The following IFT80 variants were observed in gnomAD, a reference collection of about 807,000 sequenced individuals.
IFT80 encodes the protein intraflagellar transport protein 80 homolog.
Under a neutral mutation model 107.9 loss-of-function variants are expected in IFT80, and 79 were observed. That is an observed-to-expected ratio of 0.73 (90% CI 0.61 to 0.88). The LOEUF is 0.88. Ranked by LOEUF, IFT80 falls within the 40% of genes least tolerant of loss-of-function variation. The pLI is 0.00. For missense variants in IFT80, 797 were observed against 914.2 expected (o/e 0.87, Z 1.65); for synonymous variants, 299 against 300.9 (o/e 0.99, Z 0.07).
intron 15 of IFT80, among the ~76,000 whole-genome samples, chr3:160,280,454 T>C (rs1197569514): frequency 6.6e-6 from 1 of 152,166 alleles, no homozygotes; most frequent in Non-Finnish European, 1.5e-5. Flanking sequence ...ATTATATTCA[T>C]ATAAGGGACA....
intron 18 of IFT80, among the ~76,000 whole-genome samples, chr3:160,273,626 A>G (rs1713998532): frequency 6.6e-6 from 1 of 152,204 alleles, no homozygotes. Flanking sequence ...TTATGAGGGA[A>G]TAAACATAAA....
intron 9 of IFT80, among the ~76,000 whole-genome samples, chr3:160,311,264 TAA>T (rs1717227469): frequency 6.6e-6 from 1 of 152,072 alleles, no homozygotes; most frequent in African/African-American, 2.4e-5. Flanking sequence ...AGTAAATAAA[TAA>T]TAAGAAGTTG....
At chr3:160,372,904 T>C (rs1276299070) in intron 5 of IFT80, among the ~76,000 whole-genome samples, 1 of 152,138 alleles carries the variant, frequency 6.6e-6, no homozygotes, top group East Asian at 1.9e-4. Context: ...GGGAGGGCAG[T>C]GAGAGGAAGA....
chr3:160,293,939 A>T (rs1715772225), intron 12 of IFT80, among the ~76,000 whole-genome samples: 1 of 152,170 alleles, frequency 6.6e-6, no homozygotes, highest in South Asian at 2.1e-4. Context: ...TGTTGAACAC[A>T]TTGATGTGCC....
At chr3:160,384,029 G>C in intron 2 of IFT80, 1 of 662,586 alleles carries the variant, frequency 1.5e-6, no homozygotes, top group African/African-American at 2.0e-5. Context: ...TGGATCACCT[G>C]AGGTCGAGAG....
intron 6 of IFT80, among the ~76,000 whole-genome samples, chr3:160,363,617 T>C (rs1254193312): frequency 6.6e-6 from 1 of 151,942 alleles, no homozygotes; most frequent in African/African-American, 2.4e-5. Flanking sequence ...CAAACTATAC[T>C]ACAAGGCTAC....
At chr3:160,305,677 TCAAATGAAA>T (rs1383391405) in intron 10 of IFT80, among the ~76,000 whole-genome samples, 2 of 152,108 alleles carry the variant, frequency 1.3e-5, no homozygotes, top group African/African-American at 4.8e-5. Flanking sequence ...ATCTGAAAAA[TCAAATGAAA>T]ATTTAATGTA....
At chr3:160,360,220 A>C (rs568177726) in intron 6 of IFT80, among the ~76,000 whole-genome samples, 13 of 152,242 alleles carry the variant, frequency 8.5e-5, no homozygotes, top group African/African-American at 2.9e-4. Context: ...CACAAGCTTC[A>C]GTAGCTGATT....
chr3:160,263,893 G>A (rs1038968812), intron 19 of IFT80, among the ~76,000 whole-genome samples: 1 of 151,996 alleles, frequency 6.6e-6, no homozygotes, highest in African/African-American at 2.4e-5. Flanking sequence ...GGATGGTCTC[G>A]ATCTCCTGAA....
chr3:160,372,969 G>T (rs1218796873), intron 5 of IFT80, among the ~76,000 whole-genome samples: 3 of 152,114 alleles, frequency 2.0e-5, no homozygotes, highest in Non-Finnish European at 4.4e-5. Context: ...AACTCAAAAT[G>T]AATCACAGAC....
chr3:160,398,113 T>C (rs1713984496), intron 1 of IFT80, among the ~76,000 whole-genome samples: 1 of 152,206 alleles, frequency 6.6e-6, no homozygotes, highest in Non-Finnish European at 1.5e-5. Context: ...TTATTTTCTG[T>C]AGCTTGTTTT....
At chr3:160,389,960 G>A (rs1057055141) in intron 1 of IFT80, among the ~76,000 whole-genome samples, 1 of 152,152 alleles carries the variant, frequency 6.6e-6, no homozygotes, top group African/African-American at 2.4e-5. Flanking sequence ...GTGTAAAAGT[G>A]TTCCTATTTC....
chr3:160,329,945 G>C (rs1326744286), intron 8 of IFT80, among the ~76,000 whole-genome samples: 1 of 151,392 alleles, frequency 6.6e-6, no homozygotes, highest in African/African-American at 2.4e-5. Flanking sequence ...CTCTTTCTTT[G>C]ACCAGACTCT....
chr3:160,267,555 T>C (rs1405062727), intron 19 of IFT80, among the ~76,000 whole-genome samples: 1 of 152,158 alleles, frequency 6.6e-6, no homozygotes. Context: ...TAATCACAGC[T>C]CTTAGGAGTC....
chr3:160,297,503 C>T (rs1192153193), intron 12 of IFT80, among the ~76,000 whole-genome samples: 1 of 151,850 alleles, frequency 6.6e-6, no homozygotes, highest in Non-Finnish European at 1.5e-5. Context: ...CAGAGGATTG[C>T]ACTTTTAATA....
intron 2 of IFT80, 65 bp downstream of exon 2, chr3:160,384,499 G>C (rs938128267): frequency 2.7e-5 from 37 of 1,381,686 alleles, no homozygotes; most frequent in Non-Finnish European, 3.6e-5. Context: ...ATATAAAATA[G>C]AGAAACTTTT....
rs537419256 is a variant in IFT80 at position 160,390,672 on chromosome 3, T to C, written c.-46-6026A>G. Reference sequence around the variant, plus strand: ...GCTTCTGTGGTATGAATTTGAAGTTTTGCTATACATCTGGCCACCTAGAAC... The same window carrying C: ...GCTTCTGTGGTATGAATTTGAAGTTCTGCTATACATCTGGCCACCTAGAAC... On this transcript the variant is annotated intron_variant, in intron 1 of 19. Transcript: ENST00000326448. Among the ~76,000 whole-genome samples, 8 of 152,330 alleles carry C rather than the reference T, an allele frequency of 5.3e-5. No individual in the cohort carries two copies. The South Asian group carries it at 1.7e-3, about 32-fold the overall frequency.
intron 5 of IFT80, among the ~76,000 whole-genome samples, chr3:160,367,530 T>A (rs908072561): frequency 6.6e-6 from 1 of 152,162 alleles, no homozygotes; most frequent in South Asian, 2.1e-4. Flanking sequence ...AAATGGCAAA[T>A]TTTTTTATAT....
intron 1 of IFT80, among the ~76,000 whole-genome samples, chr3:160,388,628 A>G (rs1713124554): frequency 6.7e-6 from 1 of 148,924 alleles, no homozygotes; most frequent in Admixed American, 6.7e-5. Flanking sequence ...TTAATAATAT[A>G]TAAATACATT....
Sources: gnomAD v4.1 joint callset for allele counts (sites outside exome capture counted in the v4.1 genomes callset) on GRCh38, gnomAD v4.1.1 for gene constraint, MANE v1.5 for transcripts, NCBI Gene and HGNC (gene_info 2026-07-23, HGNC 2026-07-21) for gene names.